Variants in TANGO6 observed in about 807,000 individuals in gnomAD.
The protein encoded by TANGO6 is transport and Golgi organization protein 6 homolog.
Under a neutral mutation model 114.2 loss-of-function variants are expected in TANGO6, and 90 were observed. The observed-to-expected ratio is 0.79, with a 90% CI of 0.66 to 0.94. TANGO6 has a LOEUF of 0.94. Among genes scored for constraint, TANGO6 ranks in the 40% least tolerant of loss-of-function variants. TANGO6 has a pLI of 0.00. For synonymous variants in TANGO6, 477 were observed against 509.8 expected, an observed-to-expected ratio of 0.94 and a Z score of 0.87; for missense variants, 1,274 against 1,315.3, an observed-to-expected ratio of 0.97 and a Z score of 0.49.
intron 3 of TANGO6, 106 bp downstream of exon 3, chr16:68,863,167 A>C (rs1962126603): frequency 1.6e-6 from 1 of 613,850 alleles, no homozygotes; most frequent in African/African-American, 1.9e-5. Context: ...TTAATGATCT[A>C]GTTGAGCCTT....
intron 15 of TANGO6, among the ~76,000 whole-genome samples, chr16:68,983,836 A>G (rs1597047337): frequency 6.6e-6 from 1 of 152,106 alleles, no homozygotes; most frequent in Admixed American, 6.6e-5. Flanking sequence ...GATCAAGACC[A>G]TCCTGGCTAA....
chr16:68,998,488 T>C (rs571087178), intron 15 of TANGO6, among the ~76,000 whole-genome samples: 2 of 152,068 alleles, frequency 1.3e-5, no homozygotes, highest in African/African-American at 4.8e-5. Flanking sequence ...TCCCAGCGCT[T>C]TGGGAGGCTG....
chr16:69,072,707 G>A (rs1274645951), intron 17 of TANGO6, among the ~76,000 whole-genome samples: 1 of 152,128 alleles, frequency 6.6e-6, no homozygotes, highest in Non-Finnish European at 1.5e-5. Flanking sequence ...TTAACACTCA[G>A]TTACTAAAAA....
chr16:69,078,806 A>G (rs1019176921), intron 17 of TANGO6, among the ~76,000 whole-genome samples: 5 of 151,802 alleles, frequency 3.3e-5, no homozygotes, highest in African/African-American at 9.7e-5. Context: ...CAGTGGCGCA[A>G]TCTTGGCTCA....
chr16:68,860,278 T>C lies in TANGO6; in HGVS notation c.489T>C (p.Pro163=). 6.2e-7 allele frequency: 1 copy of C among 1,614,014 alleles called. No individual in the cohort carries two copies. Among genetic ancestry groups the C allele is most frequent in the Non-Finnish European group, 8.5e-7 (1 of 1,179,894 alleles). Residue 163 remains proline (P), a synonymous_variant, in exon 2 of 18, where the codon CCT becomes CCC. Transcript: ENST00000261778. ...VTLGICPYLM[P]GVGVPLRYRT... ...TGGGTATCTGCCCCTATCTCATGCC[T>C]GGTGTTGGAGTCCCTTTGAGATATA...
At chr16:68,879,619 CTTT>C (rs201622523) in intron 6 of TANGO6, among the ~76,000 whole-genome samples, 21 of 140,046 alleles carry the variant, frequency 1.5e-4, no homozygotes, top group Non-Finnish European at 1.3e-4. Context: ...CATTTTCTTT[CTTT>C]TTTTTTTTTT....
At chr16:68,874,005 G>A (rs1011906129) in intron 4 of TANGO6, among the ~76,000 whole-genome samples, 3 of 152,200 alleles carry the variant, frequency 2.0e-5, no homozygotes, top group Non-Finnish European at 4.4e-5. Context: ...GATCCTCCCA[G>A]GCTGGCTGGT....
At chr16:68,871,133 G>C (rs7192439) in intron 4 of TANGO6, among the ~76,000 whole-genome samples, 43,117 of 151,792 alleles carry the variant, frequency 0.28, 7,845 homozygotes, top group African/African-American at 0.53. Context: ...AAAAAGTCTA[G>C]TTCATCTTCC....
chr16:69,036,321 A>C (rs1344352174), intron 16 of TANGO6, among the ~76,000 whole-genome samples: 1 of 152,190 alleles, frequency 6.6e-6, no homozygotes, highest in East Asian at 1.9e-4. Context: ...CAAGCTGGTT[A>C]TGGGTGCTTG....
At chr16:69,005,788 CAAAA>C (rs57025707) in intron 15 of TANGO6, among the ~76,000 whole-genome samples, 6 of 86,936 alleles carry the variant, frequency 6.9e-5, no homozygotes, top group African/African-American at 1.8e-4. Flanking sequence ...AACTTCATCT[CAAAA>C]AAAAAAAAAA....
intron 15 of TANGO6, among the ~76,000 whole-genome samples, chr16:68,985,283 T>C (rs937177937): frequency 9.2e-5 from 14 of 152,250 alleles, no homozygotes; most frequent in African/African-American, 3.1e-4. Flanking sequence ...AATTAGGTTG[T>C]TTCCAGTTTA....
intron 4 of TANGO6, 49 bp downstream of exon 4, chr16:68,867,269 T>C (rs753482238): frequency 6.2e-7 from 1 of 1,611,114 alleles, no homozygotes; most frequent in South Asian, 1.1e-5. Context: ...TTCCTTTGAG[T>C]CAGAGTCTGA....
At chr16:69,053,012 G>A (rs766596913) in intron 17 of TANGO6, among the ~76,000 whole-genome samples, 16 of 152,110 alleles carry the variant, frequency 1.1e-4, no homozygotes, top group Non-Finnish European at 1.9e-4. Flanking sequence ...GGAGGCTGAG[G>A]CAGGAGAATC....
intron 11 of TANGO6, 127 bp from the exon 12 acceptor site, chr16:68,918,958 T>G: frequency 1.8e-6 from 2 of 1,109,818 alleles, no homozygotes; most frequent in Non-Finnish European, 2.5e-6. Flanking sequence ...TAAGTAGCAG[T>G]TGTTCTGGAT....
At chr16:68,869,345 G>A (rs555692743) in intron 4 of TANGO6, among the ~76,000 whole-genome samples, 1 of 152,290 alleles carries the variant, frequency 6.6e-6, no homozygotes, top group East Asian at 1.9e-4. Context: ...GGGTGTGGTG[G>A]TGCGCACCTA....
chr16:69,026,554 G>C (rs1339868072), intron 16 of TANGO6: 1 of 159,636 alleles, frequency 6.3e-6, no homozygotes, highest in Non-Finnish European at 1.4e-5. Context: ...TGGACCCCTG[G>C]GTTGAGGCCA....
intron 15 of TANGO6, among the ~76,000 whole-genome samples, chr16:69,014,357 C>A (rs1420003304): frequency 1.3e-5 from 2 of 152,048 alleles, no homozygotes; most frequent in Non-Finnish European, 1.5e-5. Flanking sequence ...AGTCTTCTAG[C>A]AGACTTTCCT....
At chr16:68,845,801 C>CA (rs1172910941) in intron 1 of TANGO6, among the ~76,000 whole-genome samples, 1 of 152,068 alleles carries the variant, frequency 6.6e-6, no homozygotes, top group African/African-American at 2.4e-5. Context: ...ACCATGATTA[C>CA]ACTAGTGTGC....
At chr16:68,934,041 AT>A (rs765471686) in intron 14 of TANGO6, 718 of 139,770 alleles carry the variant, frequency 5.1e-3, no homozygotes, top group Admixed American at 5.1e-3. Flanking sequence ...GAATTCTGGA[AT>A]TTTTTTTTTT....
Sources: gnomAD v4.1 joint callset for allele counts (sites outside exome capture counted in the v4.1 genomes callset) on GRCh38, gnomAD v4.1.1 for gene constraint, MANE v1.5 for transcripts, NCBI Gene and HGNC (gene_info 2026-07-23, HGNC 2026-07-21) for gene names.